The following USP5 variants were observed in gnomAD, a reference collection of about 807,000 sequenced individuals.
USP5 encodes ubiquitin carboxyl-terminal hydrolase 5.
USP5 carries 24 observed loss-of-function variants against 102.5 expected under a neutral mutation model. The ratio of observed to expected loss-of-function variants is 0.23; its 90% CI spans 0.17 to 0.33. The LOEUF (loss-of-function observed/expected upper bound fraction) is 0.33, where lower values mean the gene tolerates loss of function less well. USP5 is among the 10% of genes least tolerant of loss of function. The probability of loss-of-function intolerance (pLI) is 1.00; values close to 1 mark genes in which losing one functional copy is unlikely to be tolerated. For missense variants in USP5, 753 were observed against 1,122.1 expected (o/e 0.67, Z 4.70); for synonymous variants, 460 against 434.8 (o/e 1.06, Z -0.72).
At chr12:6,865,915 G>A (rs781937102) in intron 19 of USP5, 69 bp from the exon 20 acceptor site, 4 of 1,381,100 alleles carry the variant, frequency 2.9e-6, no homozygotes, top group South Asian at 1.2e-5. Context: ...GGCCATGTCT[G>A]AGAGACTACA....
At chr12:6,854,367 A>C (rs1021510850) in intron 1 of USP5, among the ~76,000 whole-genome samples, 1 of 152,086 alleles carries the variant, frequency 6.6e-6, no homozygotes, top group Non-Finnish European at 1.5e-5. Flanking sequence ...CTAACAAGTC[A>C]TTGTTCCCCT....
rs1555128637 is a variant in USP5, at chr12:6,857,692, A to G, written c.833A>G (p.His278Arg). 3 of 1,614,120 alleles carry G rather than the reference A, an allele frequency of 1.9e-6. No homozygotes were observed. Among genetic ancestry groups the G allele is most frequent in the Non-Finnish European group, 2.5e-6 (3 of 1,180,024 alleles). The change falls in exon 7 of 20, where the codon CAC becomes CGC. Residue 278 changes from histidine to arginine, a missense_variant. This residue lies in a region of USP5 where 527 missense variants were observed against 816.5 expected (regional missense o/e 0.65). Coordinates refer to ENST00000229268, the MANE Select transcript of USP5 (RefSeq NM_001098536.2). ...CCCAGCCTGGCTGAGCACCTGTCCC[A>G]CTTCGGCATCGACATGCTGAAGATG... ...LDPSLAEHLS[H>R]FGIDMLKMQK...
chr12:6,865,003 G>A (rs904892138), intron 18 of USP5, 128 bp downstream of exon 18: 1 of 1,395,840 alleles, frequency 7.2e-7, no homozygotes, highest in Middle Eastern at 1.8e-4. Context: ...CGTGGCATCT[G>A]AGGGTGGGGT....
At position 6,866,413 on chromosome 12, in the gene USP5, C is replaced by G. The variant is rs575283838; in HGVS notation, c.*336C>G. 13 of 289,964 alleles carry G rather than the reference C, an allele frequency of 4.5e-5. No individual in the cohort carries two copies. Among genetic ancestry groups the G allele is most frequent in the African/African-American group, 2.8e-4 (13 of 46,960 alleles). 18.0% of individuals were successfully genotyped at this position (289,964 alleles called of 1,614,324 possible). A position where few individuals can be genotyped will look rare whatever the true frequency, so the allele number is the denominator to read the frequency against. ...TGGAGGGAGGGGTCTCGTTTGTGCG[C>G]GTGGGTGTAGCTTTGTGCATCCTCT... On this transcript the variant is annotated 3_prime_UTR_variant, in exon 20 of 20. Coordinates refer to ENST00000229268, the MANE Select transcript of USP5 (RefSeq NM_001098536.2). This position sits in a 1 kb window ranked among gnomAD's most constrained non-coding sequence, Gnocchi z 4.7.
In USP5 at chr12:6,864,869, C is replaced by G. The variant is rs782192969; in HGVS notation, c.2392C>G (p.Pro798Ala). ...VPVGPKVRDG[P>A]GKYQLFAFIS... ...AGTGGGACCTAAAGTCCGGGATGGT[C>G]CTGGAAGTGAGTATCCCCAGGAAGC... The change falls in exon 18 of 20, where the codon CCT (proline) becomes GCT (alanine). Residue 798 changes from proline to alanine, a missense_variant. By Grantham distance (27) the Pro-to-Ala change is conservative (BLOSUM62 -1). Around this residue, in one of 3 missense-constraint regions of USP5, gnomAD observed 193 missense variants for 230.2 expected, o/e 0.84. Transcript: ENST00000229268. This position sits in a 1 kb window ranked among gnomAD's most constrained non-coding sequence, Gnocchi z 4.8. 2 of 1,613,220 alleles carry G rather than the reference C, an allele frequency of 1.2e-6. No homozygotes were observed. The highest frequency in any genetic ancestry group is 1.7e-6 in the Non-Finnish European group (2 of 1,179,784).
In USP5 at chr12:6,859,505, C is replaced by G; in HGVS notation, c.1094C>G (p.Ala365Gly). The G allele has an allele frequency of 6.2e-7, 1 of 1,614,202 alleles. No homozygotes were observed. The highest frequency in any genetic ancestry group is 8.5e-7 in the Non-Finnish European group (1 of 1,180,028). Residue 365 changes from alanine to glycine, a missense_variant, in exon 9 of 20, where the codon GCC becomes GGC. Transcript: ENST00000229268. ...VDKLEKIFQN[A>G]PTDPTQDFST... ...AAGCTGGAGAAGATCTTCCAGAATG[C>G]CCCGACGGACCCTACCCAGGATTTC...
intron 8 of USP5, 93 bp from the exon 9 acceptor site, chr12:6,859,377 G>A: frequency 1.5e-6 from 2 of 1,299,008 alleles, no homozygotes; most frequent in Non-Finnish European, 2.2e-6. Flanking sequence ...CTTGAGGGGA[G>A]CCCGTTCACA....
In USP5 at chr12:6,863,524, C is replaced by T. The variant is rs1181746882; in HGVS notation, c.1954+147C>T. Reference sequence around the variant, plus strand: ...TTTGATTGACATGGGGCCTCCCCAGCGCACTCCTAGCCACCTTCTGGGTGT... The same window carrying T: ...TTTGATTGACATGGGGCCTCCCCAGTGCACTCCTAGCCACCTTCTGGGTGT... On this transcript the variant is annotated intron_variant, in intron 15 of 19. Transcript: ENST00000229268. This position sits in a 1 kb window ranked among gnomAD's most constrained non-coding sequence, Gnocchi z 4.7. 3.1e-5 allele frequency: 33 copies of T among 1,070,636 alleles called. No homozygotes were observed. The South Asian group carries it at 4.0e-4, about 13-fold the overall frequency. The allele number at this position is 1,070,636 out of a possible 1,614,324, so 66.3% of individuals were successfully genotyped here. A position where few individuals can be genotyped will look rare whatever the true frequency, so the allele number is the denominator to read the frequency against.
rs1944239696 is a variant in USP5 at position 6,860,241 on chromosome 12, G to A, written c.1218+3G>A. Reference sequence around the variant, plus strand: ...GGGAGCGGGTGCCAGAACAGAAGGTGCGTCTAGGACCCTGTCCCTTTCAGG... The same window carrying A: ...GGGAGCGGGTGCCAGAACAGAAGGTACGTCTAGGACCCTGTCCCTTTCAGG... On this transcript the variant is annotated splice_donor_region_variant and intron_variant, in intron 10 of 19. Transcript: ENST00000229268. The surrounding 1 kb of genome is among the most constrained non-coding windows in gnomAD (Gnocchi z 5.5). 1 of 1,609,258 alleles carries A rather than the reference G, an allele frequency of 6.2e-7. No homozygotes were observed. The highest frequency in any genetic ancestry group is 1.1e-5 in the South Asian group (1 of 90,724).
At chr12:6,865,942 G>T (rs782151989) in intron 19 of USP5, 42 bp from the exon 20 acceptor site, 2 of 1,560,778 alleles carry the variant, frequency 1.3e-6, no homozygotes, top group African/African-American at 2.7e-5. Context: ...CACTTTGAAT[G>T]CCCAGTTTGT....
Position 6,860,402 on chromosome 12 carries a change from G to T in USP5, c.1255G>T (p.Ala419Ser). ...TGGCATTGCCCCTCGGATGTTCAAGGCCCTCATCGGCAAGGGCCACCCTGA... is the reference window on the plus strand; with the variant it reads ...TGGCATTGCCCCTCGGATGTTCAAGTCCCTCATCGGCAAGGGCCACCCTGA... ...QDGIAPRMFK[A>S]LIGKGHPEFS... is the part of the protein sequence containing the mutation. Residue 419 changes from alanine to serine, a missense_variant, in exon 11 of 20, where the codon GCC becomes TCC. Physicochemically the swap from Ala to Ser is moderately conservative, Grantham distance 99. This residue lies in a region of USP5 where 527 missense variants were observed against 816.5 expected (regional missense o/e 0.65). Coordinates refer to ENST00000229268, the MANE Select transcript of USP5 (RefSeq NM_001098536.2). The surrounding 1 kb of genome is among the most constrained non-coding windows in gnomAD (Gnocchi z 5.5). 1 of 1,614,130 alleles carries T rather than the reference G, an allele frequency of 6.2e-7. No homozygotes were observed. The highest frequency in any genetic ancestry group is 8.5e-7 in the Non-Finnish European group (1 of 1,180,014).
chr12:6,861,084 C>T lies in USP5; in HGVS notation c.1476C>T (p.Pro492=), dbSNP rs782505132. The stretch of plus-strand genomic sequence containing the variant: ...ACTACATCATGCAGCTGCCTGTGCC[C>T]ATGGATGCAGCCCTTAACAAAGGTA... ...RVDYIMQLPV[P]MDAALNKEEL... Residue 492 remains proline (P), a synonymous_variant, in exon 12 of 20, where the codon CCC becomes CCT. Coordinates refer to ENST00000229268, the MANE Select transcript of USP5 (RefSeq NM_001098536.2). The surrounding 1 kb of genome is among the most constrained non-coding windows in gnomAD (Gnocchi z 4.9). The T allele has an allele frequency of 1.2e-6, 2 of 1,614,098 alleles. No homozygotes were observed. The highest frequency in any genetic ancestry group is 1.7e-5 in the Admixed American group (1 of 60,000).
Position 6,857,712 on chromosome 12 carries a change from A to G in USP5, c.853A>G (p.Lys285Glu), listed in dbSNP as rs1181551736. The part of the protein sequence containing the change: ...HLSHFGIDML[K>E]MQKTDKTMTE... ...GTCCCACTTCGGCATCGACATGCTG[A>G]AGATGCAGAAGGTGAGACCCCCTTC... Residue 285 changes from lysine to glutamate, a missense_variant, in exon 7 of 20, where the codon AAG becomes GAG. Around this residue, in one of 3 missense-constraint regions of USP5, gnomAD observed 527 missense variants for 816.5 expected, o/e 0.65. Transcript: ENST00000229268. 18 of 1,614,022 alleles carry G rather than the reference A, an allele frequency of 1.1e-5. No individual in the cohort carries two copies. Among genetic ancestry groups the G allele is most frequent in the Non-Finnish European group, 1.5e-5 (18 of 1,180,032 alleles).
chr12:6,852,156 T>A lies in USP5; in HGVS notation c.-24T>A, dbSNP rs781928247. ...ACTGGGAACGGTGGGAGCCGCCGTG[T>A]GTGGAGAAGCTGCTGCCGGTGTCAT... is the stretch of plus-strand genomic sequence containing the variant. On this transcript the variant is annotated 5_prime_UTR_variant, in exon 1 of 20. Coordinates refer to ENST00000229268, the MANE Select transcript of USP5 (RefSeq NM_001098536.2). 1.3e-6 allele frequency: 2 copies of A among 1,599,436 alleles called. No individual in the cohort carries two copies. The highest frequency in any genetic ancestry group is 3.5e-5 in the Admixed American group (2 of 57,692).
chr12:6,861,029 C>A lies in USP5; in HGVS notation c.1421C>A (p.Thr474Lys). The A allele has an allele frequency of 6.2e-7, 1 of 1,614,246 alleles. No homozygotes were observed. The highest frequency in any genetic ancestry group is 8.5e-7 in the Non-Finnish European group (1 of 1,180,044). ...GAGGAAAAGATCAAGTGCCTGGCCA[C>A]AGAGAAGGTGAAGTACACCCAGCGA... ...LVEEKIKCLA[T>K]EKVKYTQRVD... Residue 474 changes from threonine (T) to lysine (K), a missense_variant, in exon 12 of 20, where the codon ACA (threonine) becomes AAA (lysine). By Grantham distance (78) the Thr-to-Lys change is moderately conservative. This residue lies in a region of USP5 where 527 missense variants were observed against 816.5 expected (regional missense o/e 0.65). Transcript: ENST00000229268. This position sits in a 1 kb window ranked among gnomAD's most constrained non-coding sequence, Gnocchi z 4.9.
In USP5 at chr12:6,864,293, T is replaced by A; in HGVS notation, c.2244+98T>A. 6.8e-7 allele frequency: 1 copy of A among 1,462,838 alleles called. No homozygotes were observed. The highest frequency in any genetic ancestry group is 1.4e-5 in the African/African-American group (1 of 70,716). The allele number at this position is 1,462,838 out of a possible 1,614,324, so 90.6% of individuals were successfully genotyped here. A position where few individuals can be genotyped will look rare whatever the true frequency, so the allele number is the denominator to read the frequency against. ...TGAGCAAGACCAAAGACAACAGGTG[T>A]GGTCTGGCCGAGGTTGGGCACCACT... On this transcript the variant is annotated intron_variant, in intron 17 of 19. Coordinates refer to ENST00000229268, the MANE Select transcript of USP5 (RefSeq NM_001098536.2). The surrounding 1 kb of genome is among the most constrained non-coding windows in gnomAD (Gnocchi z 4.8).
chr12:6,861,717 G>A lies in USP5; in HGVS notation c.1673+100G>A. On this transcript the variant is annotated intron_variant, in intron 13 of 19. Transcript: ENST00000229268. This position sits in a 1 kb window ranked among gnomAD's most constrained non-coding sequence, Gnocchi z 4.9. ...CTGTTCTTTCATCCCTTTGTGGTTG[G>A]AACCTCAGGGTTGAATCAGTTGGGC... The A allele has an allele frequency of 1.0e-5, 13 of 1,295,844 alleles. No homozygotes were observed. The highest frequency in any genetic ancestry group is 1.3e-5 in the Non-Finnish European group (13 of 1,000,720). The allele number at this position is 1,295,844 out of a possible 1,614,324, so 80.3% of individuals were successfully genotyped here.
Position 6,863,136 on chromosome 12 carries a change from A to G in USP5, c.1763-50A>G, listed in dbSNP as rs922313365. The stretch of plus-strand genomic sequence containing the variant: ...GGCAGGGGATTGAGGTTCCCGAATC[A>G]CTTTCCAGGTAGGCCTCCGGGAGCT... On this transcript the variant is annotated intron_variant, in intron 14 of 19. Coordinates refer to ENST00000229268, the MANE Select transcript of USP5 (RefSeq NM_001098536.2). This position sits in a 1 kb window ranked among gnomAD's most constrained non-coding sequence, Gnocchi z 4.7. The G allele has an allele frequency of 6.5e-7, 1 of 1,548,998 alleles. No individual in the cohort carries two copies. The highest frequency in any genetic ancestry group is 2.0e-4 in the Middle Eastern group (1 of 5,036).
rs1555128176 is a variant in USP5, at chr12:6,856,108, C to G, written c.396C>G (p.Ala132=). ...TTTTGCCAGATTACCTGGAGATTGC[C>G]CGGGATGGACTGGGGGGACTGCCTG... is the stretch of plus-strand genomic sequence containing the variant. ...IVILPDYLEI[A]RDGLGGLPDI... Residue 132 remains alanine (A), a synonymous_variant, in exon 4 of 20, where the codon GCC becomes GCG. Transcript: ENST00000229268. This position sits in a 1 kb window ranked among gnomAD's most constrained non-coding sequence, Gnocchi z 5.6. The G allele has an allele frequency of 6.2e-7, 1 of 1,614,082 alleles. No individual in the cohort carries two copies.
Sources: gnomAD v4.1 joint callset for allele counts (sites outside exome capture counted in the v4.1 genomes callset) on GRCh38, gnomAD v4.1.1 for gene constraint, gnomAD v4.1.1 regional missense constraint, Gnocchi (gnomAD v3.1) non-coding constraint, MANE v1.5 for transcripts, NCBI Gene and HGNC (gene_info 2026-07-23, HGNC 2026-07-21) for gene names.